Variants in PTPRD observed in about 807,000 individuals in gnomAD.
The protein encoded by PTPRD is protein tyrosine phosphatase receptor type D, also known as receptor-type tyrosine-protein phosphatase delta.
Under a neutral mutation model 214.5 loss-of-function variants are expected in PTPRD, and 34 were observed. The ratio of observed to expected loss-of-function variants is 0.16; its 90% CI spans 0.12 to 0.21. The LOEUF (loss-of-function observed/expected upper bound fraction) is 0.21, where lower values mean the gene tolerates loss of function less well. Among genes scored for constraint, PTPRD ranks in the 10% least tolerant of loss-of-function variants. The pLI is 1.00. For missense variants in PTPRD, 2,545 were observed against 2,398.7 expected (o/e 1.06, Z -1.27); for synonymous variants, 1,128 against 845.7 (o/e 1.33, Z -5.79).
At chr9:9,090,949 G>A (rs879175707) in intron 10 of PTPRD, 21 of 1,571,706 alleles carry the variant, frequency 1.3e-5, no homozygotes, top group Admixed American at 1.7e-5. Context: ...CTGCGGCCAC[G>A]TGCAGCCTAT....
intron 2 of PTPRD, among the ~76,000 whole-genome samples, chr9:10,561,687 A>G (rs1450758070): frequency 6.6e-6 from 1 of 152,122 alleles, no homozygotes; most frequent in Non-Finnish European, 1.5e-5. Context: ...TTTGTGACAT[A>G]ATCTTTCTAT....
At chr9:10,213,449 G>A (rs780107306) in intron 3 of PTPRD, among the ~76,000 whole-genome samples, 7 of 152,032 alleles carry the variant, frequency 4.6e-5, no homozygotes, top group Non-Finnish European at 7.4e-5. Context: ...TTCACTATCT[G>A]TCAGGTGGAT....
At chr9:10,292,120 G>A (rs1278951761) in intron 3 of PTPRD, among the ~76,000 whole-genome samples, 3 of 151,956 alleles carry the variant, frequency 2.0e-5, no homozygotes, top group Non-Finnish European at 4.4e-5. Flanking sequence ...ATCATTCATC[G>A]TAATTTTATT....
intron 2 of PTPRD, among the ~76,000 whole-genome samples, chr9:10,562,769 T>G (rs1384598184): frequency 6.6e-6 from 1 of 152,174 alleles, no homozygotes; most frequent in Non-Finnish European, 1.5e-5. Context: ...AGAAAGCCTG[T>G]ACTGCAGTTC....
At chr9:8,942,749 C>T (rs2154296110) in intron 11 of PTPRD, among the ~76,000 whole-genome samples, 1 of 152,012 alleles carries the variant, frequency 6.6e-6, no homozygotes, top group East Asian at 1.9e-4. Flanking sequence ...TCTTGATCAG[C>T]TTGTTTATTT....
At chr9:9,593,140 G>GAAAAGAAAAGAAAAGAAAAGAAAAGAAAA (rs1563920992) in intron 7 of PTPRD, among the ~76,000 whole-genome samples, 1 of 95,270 alleles carries the variant, frequency 1.0e-5, no homozygotes, top group African/African-American at 3.6e-5. Context: ...GGAAAGGAAA[G>GAAAAGAAAAGAAAAGAAAAGAAAAGAAAA]GGAAAGAAAA....
chr9:9,778,369 T>C (rs3122699), intron 5 of PTPRD, among the ~76,000 whole-genome samples: 62,551 of 151,848 alleles, frequency 0.41, 13,208 homozygotes, highest in African/African-American at 0.51. Context: ...GCAGGGGGAT[T>C]TCCCTGGGGA....
intron 3 of PTPRD, among the ~76,000 whole-genome samples, chr9:10,159,059 T>C (rs766368810): frequency 3.3e-5 from 5 of 152,064 alleles, no homozygotes; most frequent in African/African-American, 4.8e-5. Flanking sequence ...CTCACACTAA[T>C]TGGAAATTGT....
chr9:8,317,738 T>G lies in PTPRD; in HGVS notation c.*136A>C. ...CTGGAATAATTTGTTTTTAATTTGT[T>G]TTGTGTGTAATAGTCCCACTAAGTA... On this transcript the variant is annotated 3_prime_UTR_variant, in exon 46 of 46. Coordinates refer to ENST00000381196, the MANE Select transcript of PTPRD (RefSeq NM_002839.4). 1 of 641,452 alleles carries G rather than the reference T, an allele frequency of 1.6e-6. No individual in the cohort carries two copies. Among genetic ancestry groups the G allele is most frequent in the Non-Finnish European group, 2.7e-6 (1 of 364,278 alleles). The allele number at this position is 641,452 out of a possible 1,614,324, so 39.7% of individuals were successfully genotyped here.
chr9:8,904,005 ATTAT>A (rs1055525926), intron 11 of PTPRD, among the ~76,000 whole-genome samples: 49 of 152,286 alleles, frequency 3.2e-4, no homozygotes, highest in Admixed American at 1.4e-3. Flanking sequence ...TTATGATTCG[ATTAT>A]TTATTTTTTC....
intron 4 of PTPRD, among the ~76,000 whole-genome samples, chr9:9,957,355 C>T (rs552336998): frequency 2.0e-5 from 3 of 151,892 alleles, no homozygotes; most frequent in East Asian, 3.9e-4. Context: ...CAAAGCTTAA[C>T]AAGAAAGGAC....
chr9:10,088,933 C>A (rs548846227), intron 3 of PTPRD, among the ~76,000 whole-genome samples: 1 of 151,614 alleles, frequency 6.6e-6, no homozygotes, highest in East Asian at 2.0e-4. Context: ...ATACTACTAA[C>A]AATAGATTGT....
At chr9:10,344,010 T>C (rs1266180159) in intron 2 of PTPRD, among the ~76,000 whole-genome samples, 2 of 131,352 alleles carry the variant, frequency 1.5e-5, no homozygotes, top group Admixed American at 1.5e-4. Flanking sequence ...TTTTTTTTGC[T>C]GTGCAGAAGC....
intron 14 of PTPRD, among the ~76,000 whole-genome samples, chr9:8,567,794 T>C (rs574422287): frequency 1.3e-5 from 2 of 152,120 alleles, no homozygotes; most frequent in Non-Finnish European, 2.9e-5. Context: ...CTCTTACAAA[T>C]AACATATGAT....
intron 2 of PTPRD, among the ~76,000 whole-genome samples, chr9:10,361,439 TAA>T (rs1344266731): frequency 1.3e-5 from 2 of 152,230 alleles, no homozygotes; most frequent in Middle Eastern, 3.4e-3. Flanking sequence ...GGTACAGGGG[TAA>T]GTTACAAAAT....
At chr9:8,330,167 C>T (rs562683594) in intron 44 of PTPRD, among the ~76,000 whole-genome samples, 77 of 152,178 alleles carry the variant, frequency 5.1e-4, no homozygotes, top group South Asian at 4.6e-3. Flanking sequence ...GGTGAGGCAA[C>T]GCCACACCCT....
At chr9:8,969,677 G>A (rs1347823735) in intron 11 of PTPRD, among the ~76,000 whole-genome samples, 1 of 151,630 alleles carries the variant, frequency 6.6e-6, no homozygotes, top group Non-Finnish European at 1.5e-5. Flanking sequence ...GGGGAATGAA[G>A]AAAAAAGAGA....
chr9:8,844,952 A>T lies in PTPRD; in HGVS notation c.-103-111006T>A, dbSNP rs187389968. 6.8e-3 allele frequency among the ~76,000 whole-genome samples: 1,039 copies of T among 152,280 alleles called. 4 individuals carry two copies. The highest frequency in any genetic ancestry group is 9.9e-3 in the Non-Finnish European group (671 of 68,022). On this transcript the variant is annotated intron_variant, in intron 11 of 45. Transcript: ENST00000381196. ...CCAATTAAAAATGGACATTACCGGC[A>T]CAAGTTTTCTAAAATCTTAAAAATC...
At chr9:10,550,978 T>C (rs1318814075) in intron 2 of PTPRD, among the ~76,000 whole-genome samples, 2 of 152,200 alleles carry the variant, frequency 1.3e-5, no homozygotes, top group African/African-American at 4.8e-5. Flanking sequence ...AAACTTGCCC[T>C]TCATAACCAA....
Sources: allele counts gnomAD v4.1 joint callset (sites outside exome capture counted in the v4.1 genomes callset), GRCh38; gene constraint gnomAD v4.1.1; transcripts MANE v1.5; gene names NCBI Gene and HGNC (gene_info 2026-07-23, HGNC 2026-07-21).